Variants in UGT2B7 observed in about 807,000 individuals in gnomAD.
UGT2B7 encodes UDP glucuronosyltransferase family 2 member B7.
In UGT2B7, 51 loss-of-function variants were observed where a neutral mutation model predicts 51.9. That is an observed-to-expected ratio of 0.98 (90% CI 0.78 to 1.24). UGT2B7 has a LOEUF of 1.24. Among genes scored for constraint, UGT2B7 ranks in the 50% most tolerant of loss-of-function variants. The probability of loss-of-function intolerance (pLI) is 0.00; values close to 1 mark genes in which losing one functional copy is unlikely to be tolerated. For synonymous variants in UGT2B7, 225 were observed against 211.6 expected (o/e 1.06, Z -0.55); for missense variants, 727 against 628.4 (o/e 1.16, Z -1.68).
intron 3 of UGT2B7, 101 bp from the exon 4 acceptor site, chr4:69,107,074 A>G (rs1719622119): frequency 1.6e-6 from 2 of 1,286,452 alleles, no homozygotes; most frequent in South Asian, 1.4e-5. Context: ...GTTCTTATTT[A>G]CTAACATCCC....
Position 69,112,448 on chromosome 4 carries a change from A to G in UGT2B7, c.1311-9A>G. On this transcript the variant is annotated splice_polypyrimidine_tract_variant and intron_variant, in intron 5 of 5. Coordinates refer to ENST00000305231, the MANE Select transcript of UGT2B7 (RefSeq NM_001074.4). ...CTGCTACATTACTGTCTTTATTTTTATCTTTCAGATATAAAGAGAATGTTA... is the reference window on the plus strand; with the variant it reads ...CTGCTACATTACTGTCTTTATTTTTGTCTTTCAGATATAAAGAGAATGTTA... 6.2e-7 allele frequency: 1 copy of G among 1,609,796 alleles called. No individual in the cohort carries two copies. Among genetic ancestry groups the G allele is most frequent in the Non-Finnish European group, 8.5e-7 (1 of 1,178,294 alleles).
In UGT2B7 at chr4:69,097,193, G is replaced by A. The variant is rs146308452; in HGVS notation, c.673G>A (p.Glu225Lys). Residue 225 changes from glutamate to lysine, a missense_variant, in exon 1 of 6, where the codon GAA (glutamate) becomes AAA (lysine). By Grantham distance (56) the Glu-to-Lys change is moderately conservative (BLOSUM62 1). Transcript: ENST00000305231. ...IYVLYFDFWFEIFDMKKWDQF... is the reference protein window; with the variant it reads ...IYVLYFDFWFKIFDMKKWDQF... ...TGTGCTTTACTTTGACTTTTGGTTCGAAATATTTGACATGAAGAAGTGGGA... is the reference window on the plus strand; with the variant it reads ...TGTGCTTTACTTTGACTTTTGGTTCAAAATATTTGACATGAAGAAGTGGGA... 3.9e-4 allele frequency: 629 copies of A among 1,612,346 alleles called. 2 individuals carry two copies. The highest frequency in any genetic ancestry group is 1.7e-4 in the Admixed American group (10 of 59,648).
intron 1 of UGT2B7, among the ~76,000 whole-genome samples, chr4:69,057,259 C>A (rs1163226219): frequency 2.0e-5 from 3 of 152,182 alleles, no homozygotes; most frequent in Non-Finnish European, 4.4e-5. Flanking sequence ...CAGTAGCTTG[C>A]TGATGCTCCC....
intron 1 of UGT2B7, among the ~76,000 whole-genome samples, chr4:69,080,317 A>G (rs1180849545): frequency 2.0e-5 from 3 of 152,030 alleles, no homozygotes; most frequent in Non-Finnish European, 2.9e-5. Flanking sequence ...GGATGACAAG[A>G]TGTTTGGATC....
At chr4:69,074,605 T>A (rs1352606975) in intron 1 of UGT2B7, among the ~76,000 whole-genome samples, 1 of 151,986 alleles carries the variant, frequency 6.6e-6, no homozygotes, top group Non-Finnish European at 1.5e-5. Context: ...TTCTCTAATG[T>A]AAGAGAATCC....
At chr4:69,111,239 T>A (rs1719762226) in intron 5 of UGT2B7, among the ~76,000 whole-genome samples, 1 of 152,132 alleles carries the variant, frequency 6.6e-6, no homozygotes, top group African/African-American at 2.4e-5. Context: ...TGTCTAAAAA[T>A]GTAGGGTTCT....
chr4:69,076,825 G>C (rs971386299), intron 1 of UGT2B7, among the ~76,000 whole-genome samples: 1 of 152,164 alleles, frequency 6.6e-6, no homozygotes, highest in Non-Finnish European at 1.5e-5. Context: ...TGTTGCCATT[G>C]CTTTTGGTGT....
chr4:69,079,990 C>A (rs930517536), intron 1 of UGT2B7, among the ~76,000 whole-genome samples: 1 of 151,816 alleles, frequency 6.6e-6, no homozygotes, highest in African/African-American at 2.4e-5. Context: ...TATTTATTAA[C>A]CTTAGCATCT....
chr4:69,053,598 C>A (rs1383639838), intron 1 of UGT2B7, among the ~76,000 whole-genome samples: 1 of 152,178 alleles, frequency 6.6e-6, no homozygotes. Flanking sequence ...TCATGCCAAG[C>A]TCTCTCTGCT....
intron 1 of UGT2B7, among the ~76,000 whole-genome samples, chr4:69,079,890 A>G (rs955622602): frequency 9.2e-5 from 14 of 152,170 alleles, no homozygotes; most frequent in Admixed American, 3.3e-4. Context: ...ATACAGCTAT[A>G]CTGTAATCCT....
chr4:69,056,173 G>T (rs1171139697), intron 1 of UGT2B7, among the ~76,000 whole-genome samples: 1 of 152,076 alleles, frequency 6.6e-6, no homozygotes, highest in Non-Finnish European at 1.5e-5. Flanking sequence ...AAAAAAGGAA[G>T]CACAGCCATA....
In UGT2B7 at chr4:69,108,164, C is replaced by T. The variant is rs200100430; in HGVS notation, c.1152C>T (p.Ile384=). The T allele has an allele frequency of 1.1e-4, 172 of 1,613,612 alleles. No individual in the cohort carries two copies. Among genetic ancestry groups the T allele is most frequent in the Non-Finnish European group, 1.4e-4 (168 of 1,179,708 alleles). The change falls in exon 5 of 6, where the codon ATC becomes ATT. Residue 384 remains isoleucine (I), a synonymous_variant. Coordinates refer to ENST00000305231, the MANE Select transcript of UGT2B7 (RefSeq NM_001074.4). ...HGGANGIYEA[I]YHGIPMVGIP... ...GAGCCAATGGCATCTACGAGGCAAT[C>T]TACCATGGGATCCCTATGGTGGGGA...
At chr4:69,075,603 C>A (rs980455818) in intron 1 of UGT2B7, among the ~76,000 whole-genome samples, 15 of 151,906 alleles carry the variant, frequency 9.9e-5, no homozygotes, top group African/African-American at 3.6e-4. Context: ...ATGATTACAT[C>A]CCCAGCCACC....
At chr4:69,088,092 T>C (rs78391598) in intron 1 of UGT2B7, among the ~76,000 whole-genome samples, 3,754 of 152,110 alleles carry the variant, frequency 0.025, 115 homozygotes, top group South Asian at 0.12. Flanking sequence ...TAATGTTTGA[T>C]ACTTTCCATA....
intron 4 of UGT2B7, 71 bp from the exon 5 acceptor site, chr4:69,108,032 T>C: frequency 6.4e-7 from 1 of 1,554,650 alleles, no homozygotes; most frequent in Non-Finnish European, 8.8e-7. Context: ...ACACTGTCAC[T>C]TTCAGAGCCT....
At position 69,107,162 on chromosome 4, in the gene UGT2B7, T is replaced by C. The variant is rs769215367; in HGVS notation, c.1003-13T>C. On this transcript the variant is annotated splice_polypyrimidine_tract_variant and intron_variant, in intron 3 of 5. Coordinates refer to ENST00000305231, the MANE Select transcript of UGT2B7 (RefSeq NM_001074.4). ...TCCACTCATGGAATAAAATATTTTC[T>C]TTATTGTAACAGGTTCTGTGGAGAT... is the stretch of plus-strand genomic sequence containing the variant. 6.2e-7 allele frequency: 1 copy of C among 1,605,022 alleles called. No individual in the cohort carries two copies. Among genetic ancestry groups the C allele is most frequent in the Non-Finnish European group, 8.5e-7 (1 of 1,174,842 alleles).
At chr4:69,068,019 A>T (rs1030359207) in intron 1 of UGT2B7, among the ~76,000 whole-genome samples, 1 of 152,082 alleles carries the variant, frequency 6.6e-6, no homozygotes, top group Non-Finnish European at 1.5e-5. Context: ...ATTTTTAAAC[A>T]TTTTTTGTCT....
intron 1 of UGT2B7, among the ~76,000 whole-genome samples, chr4:69,085,243 T>C (rs1718924286): frequency 6.6e-6 from 1 of 151,994 alleles, no homozygotes; most frequent in Non-Finnish European, 1.5e-5. Context: ...TTTTTCATGT[T>C]TGTTGGCTGC....
At chr4:69,064,094 A>AAGAAAGAAAGAAAGAGAGAGAGAG (rs1560499755) in intron 1 of UGT2B7, among the ~76,000 whole-genome samples, 4 of 84,474 alleles carry the variant, frequency 4.7e-5, no homozygotes, top group Non-Finnish European at 9.5e-5. Context: ...GAAAGAAAGA[A>AAGAAAGAAAGAAAGAGAGAGAGAG]AGAGAAAGAA....
Sources: gnomAD v4.1 joint callset for allele counts (sites outside exome capture counted in the v4.1 genomes callset) on GRCh38, gnomAD v4.1.1 for gene constraint, MANE v1.5 for transcripts, NCBI Gene and HGNC (gene_info 2026-07-23, HGNC 2026-07-21) for gene names.